Variants in ZDHHC20 observed in about 807,000 individuals in gnomAD.
ZDHHC20 encodes the protein palmitoyltransferase ZDHHC20.
Under a neutral mutation model 57.8 loss-of-function variants are expected in ZDHHC20, and 43 were observed. The observed-to-expected ratio is 0.74, with a 90% CI of 0.58 to 0.96. ZDHHC20 has a LOEUF of 0.96. Among genes scored for constraint, ZDHHC20 ranks in the 40% least tolerant of loss-of-function variants. The pLI, the probability that ZDHHC20 is intolerant of heterozygous loss-of-function variation, is 0.00. For missense variants in ZDHHC20, 391 were observed against 441.1 expected, an observed-to-expected ratio of 0.89 and a Z score of 1.02; for synonymous variants, 157 against 153.0, an observed-to-expected ratio of 1.03 and a Z score of -0.19.
chr13:21,396,009 T>C (rs1876727435), intron 7 of ZDHHC20, among the ~76,000 whole-genome samples: 1 of 152,110 alleles, frequency 6.6e-6, no homozygotes, highest in Admixed American at 6.5e-5. Flanking sequence ...AAGGCAGCAG[T>C]CCTCTGCCTT....
chr13:21,433,416 G>C (rs929890136), intron 1 of ZDHHC20, among the ~76,000 whole-genome samples: 1 of 152,134 alleles, frequency 6.6e-6, no homozygotes, highest in Admixed American at 6.5e-5. Context: ...AGGAGATCGA[G>C]ACCATCCTGG....
At chr13:21,419,833 A>C (rs1031639930) in intron 3 of ZDHHC20, among the ~76,000 whole-genome samples, 4 of 152,196 alleles carry the variant, frequency 2.6e-5, no homozygotes, top group African/African-American at 7.2e-5. Flanking sequence ...TTTTGTATAT[A>C]TGTTCTTCAC....
intron 4 of ZDHHC20, among the ~76,000 whole-genome samples, chr13:21,412,280 A>G (rs778961162): frequency 6.6e-6 from 1 of 152,254 alleles, no homozygotes; most frequent in Non-Finnish European, 1.5e-5. Flanking sequence ...TGTAATTTCT[A>G]TTAAGAAGGT....
intron 8 of ZDHHC20, 51 bp downstream of exon 8, chr13:21,391,667 ATATT>A (rs1186914035): frequency 5.9e-6 from 9 of 1,532,018 alleles, no homozygotes; most frequent in Non-Finnish European, 7.9e-6. Flanking sequence ...TCTAGATTTC[ATATT>A]TATTTATGGT....
At position 21,414,529 on chromosome 13, in the gene ZDHHC20, T is replaced by A. The variant is rs1045186894; in HGVS notation, c.250-757A>T. Reference sequence around the variant, plus strand: ...GCGCACGCCACTATGCCCGGATAATTTTTTTTTTTTTTTTTGTATTTTTAG... The same window carrying A: ...GCGCACGCCACTATGCCCGGATAATATTTTTTTTTTTTTTTGTATTTTTAG... On this transcript the variant is annotated intron_variant, in intron 3 of 12. Coordinates refer to ENST00000400590, the MANE Select transcript of ZDHHC20 (RefSeq NM_001330059.2). Among the ~76,000 whole-genome samples the A allele has an allele frequency of 9.0e-5, 12 of 133,382 alleles. No homozygotes were observed. The South Asian group carries it at 2.6e-3, about 29-fold the overall frequency. The allele number at this position is 133,382 out of a possible 152,430, so 87.5% of individuals were successfully genotyped here.
chr13:21,446,588 A>G (rs1164366408), intron 1 of ZDHHC20, among the ~76,000 whole-genome samples: 3 of 152,212 alleles, frequency 2.0e-5, no homozygotes, highest in Admixed American at 1.3e-4. Context: ...TTTAAATTTT[A>G]TTTTAAAGAC....
chr13:21,411,468 A>T (rs1879210594), intron 4 of ZDHHC20, among the ~76,000 whole-genome samples: 2 of 152,340 alleles, frequency 1.3e-5, no homozygotes, highest in Non-Finnish European at 2.9e-5. Context: ...CATTTTACAG[A>T]TCAAAGACAC....
chr13:21,452,920 G>C (rs1884590124), intron 1 of ZDHHC20, among the ~76,000 whole-genome samples: 1 of 151,944 alleles, frequency 6.6e-6, no homozygotes, highest in Non-Finnish European at 1.5e-5. Flanking sequence ...GGAGAAAATG[G>C]AACAAAGAAG....
intron 1 of ZDHHC20, among the ~76,000 whole-genome samples, chr13:21,448,390 C>A (rs1884053580): frequency 8.8e-6 from 1 of 114,180 alleles, no homozygotes; most frequent in Non-Finnish European, 2.0e-5. Flanking sequence ...CCCCGCCCGG[C>A]CAGCCGCCCC....
chr13:21,447,372 C>T (rs1187735777), intron 1 of ZDHHC20, among the ~76,000 whole-genome samples: 1 of 149,402 alleles, frequency 6.7e-6, no homozygotes, highest in African/African-American at 2.4e-5. Context: ...GCTGCCATCT[C>T]GGCTCACTGC....
At chr13:21,420,314 T>A (rs947183211) in intron 3 of ZDHHC20, among the ~76,000 whole-genome samples, 1 of 152,106 alleles carries the variant, frequency 6.6e-6, no homozygotes, top group Non-Finnish European at 1.5e-5. Context: ...TATAAATACA[T>A]GCATGTTTTA....
intron 7 of ZDHHC20, among the ~76,000 whole-genome samples, chr13:21,394,621 C>G (rs984317637): frequency 6.6e-6 from 1 of 152,058 alleles, no homozygotes; most frequent in African/African-American, 2.4e-5. Flanking sequence ...CAGAATTAAT[C>G]CAAAAAAGTT....
At chr13:21,446,822 C>T (rs1883751653) in intron 1 of ZDHHC20, among the ~76,000 whole-genome samples, 1 of 152,174 alleles carries the variant, frequency 6.6e-6, no homozygotes, top group Admixed American at 6.5e-5. Flanking sequence ...TTAGACAACA[C>T]ACCCTCCCAC....
intron 1 of ZDHHC20, among the ~76,000 whole-genome samples, chr13:21,431,579 C>T (rs1226485709): frequency 6.6e-6 from 1 of 152,208 alleles, no homozygotes; most frequent in East Asian, 1.9e-4. Context: ...GTATTTGGCA[C>T]AAAGTGTTTG....
rs566897757 is a variant in ZDHHC20, at chr13:21,456,935, C to T, written c.118+2119G>A. 7.9e-5 allele frequency among the ~76,000 whole-genome samples: 12 copies of T among 152,248 alleles called. No homozygotes were observed. In the East Asian group the frequency reaches 1.5e-3, roughly 20 times the overall value. The stretch of plus-strand genomic sequence containing the variant: ...AGCTTACTGAAGTTATATGAAAGAA[C>T]GGAAAGATGTGGGTCACATTCCAAT... On this transcript the variant is annotated intron_variant, in intron 1 of 12. Transcript: ENST00000400590.
At chr13:21,420,285 C>G (rs1880505271) in intron 3 of ZDHHC20, among the ~76,000 whole-genome samples, 2 of 152,152 alleles carry the variant, frequency 1.3e-5, no homozygotes, top group South Asian at 4.1e-4. Flanking sequence ...GAAACTCCAT[C>G]TCAATAAATA....
chr13:21,422,511 T>A (rs1228328219), intron 2 of ZDHHC20, among the ~76,000 whole-genome samples: 1 of 152,182 alleles, frequency 6.6e-6, no homozygotes, highest in Non-Finnish European at 1.5e-5. Context: ...GAAACTCCAG[T>A]CACGCAGTTG....
rs1480724731 is a variant in ZDHHC20, at chr13:21,375,724, C to CAA, written c.*971_*972insTT. 4 of 152,192 alleles carry CAA rather than the reference C, an allele frequency of 2.6e-5. No homozygotes were observed. The highest frequency in any genetic ancestry group is 5.9e-5 in the Non-Finnish European group (4 of 68,082). The allele number at this position is 152,192 out of a possible 1,614,324, so 9.4% of individuals were successfully genotyped here. A position where few individuals can be genotyped will look rare whatever the true frequency, so the allele number is the denominator to read the frequency against. On this transcript the variant is annotated 3_prime_UTR_variant, in exon 13 of 13. Transcript: ENST00000400590. ...AAAAAGTTTCAAAGTAATTTTTAGT[C>CAA]ATTACCTACACTGAAATTTGAAAGT...
intron 1 of ZDHHC20, among the ~76,000 whole-genome samples, chr13:21,448,226 A>G (rs866035212): frequency 2.8e-3 from 133 of 47,146 alleles, no homozygotes; most frequent in Middle Eastern, 0.032. Flanking sequence ...CAGCTGCCCC[A>G]TCCGGGAGGT....
Sources: gnomAD v4.1 joint callset for allele counts (sites outside exome capture counted in the v4.1 genomes callset) on GRCh38, gnomAD v4.1.1 for gene constraint, MANE v1.5 for transcripts, NCBI Gene and HGNC (gene_info 2026-07-23, HGNC 2026-07-21) for gene names.